UBE2N: variants seen among roughly 807,000 people sequenced by gnomAD.
UBE2N encodes ubiquitin conjugating enzyme E2 N.
For missense variants in UBE2N, 60 were observed against 192.1 expected (o/e 0.31, Z 4.07); for synonymous variants, 70 against 69.2 (o/e 1.01, Z -0.06).
At chr12:93,424,570 A>C (rs1395208483) in intron 1 of UBE2N, among the ~76,000 whole-genome samples, 1 of 152,228 alleles carries the variant, frequency 6.6e-6, no homozygotes, top group Non-Finnish European at 1.5e-5. Context: ...GAAAGCATGC[A>C]GATATTGGAG....
intron 1 of UBE2N, among the ~76,000 whole-genome samples, chr12:93,430,863 C>A (rs1441020722): frequency 1.3e-5 from 2 of 150,038 alleles, no homozygotes; most frequent in African/African-American, 2.4e-5. Context: ...CCTGTGATCC[C>A]AGCTACTCGG....
Position 93,407,192 on chromosome 12 carries a change from TC to T in UBE2N, c.*2846del. ...AAGCCACTTAATGTTCAGATTCTTTTCTTCTCTCCCAGGACTTTGCAGATGC... is the reference window on the plus strand; with the variant it reads ...AAGCCACTTAATGTTCAGATTCTTTTTTCTCTCCCAGGACTTTGCAGATGC... On this transcript the variant is annotated 3_prime_UTR_variant, in exon 4 of 4. Coordinates refer to ENST00000318066, the MANE Select transcript of UBE2N (RefSeq NM_003348.4). The T allele has an allele frequency of 6.6e-6, 1 of 152,512 alleles. No individual in the cohort carries two copies. The highest frequency in any genetic ancestry group is 2.1e-4 in the South Asian group (1 of 4,826). 9.4% of individuals were successfully genotyped at this position (152,512 alleles called of 1,614,324 possible).
chr12:93,420,217 T>C (rs187783956), intron 1 of UBE2N, among the ~76,000 whole-genome samples: 4 of 152,290 alleles, frequency 2.6e-5, no homozygotes, highest in African/African-American at 9.6e-5. Flanking sequence ...TATGGGTTGA[T>C]AGGTAACAAA....
intron 1 of UBE2N, among the ~76,000 whole-genome samples, chr12:93,437,795 CA>C (rs1328968079): frequency 6.6e-6 from 1 of 152,128 alleles, no homozygotes; most frequent in African/African-American, 2.4e-5. Context: ...TCTCAACAAA[CA>C]AACAAACAAA....
chr12:93,414,220 C>T (rs865944418), intron 1 of UBE2N, among the ~76,000 whole-genome samples: 5 of 151,534 alleles, frequency 3.3e-5, no homozygotes, highest in South Asian at 4.2e-4. Context: ...GAGGCCGAGG[C>T]GGGTGGATCG....
intron 1 of UBE2N, among the ~76,000 whole-genome samples, chr12:93,430,360 T>TA (rs1878724655): frequency 6.6e-6 from 1 of 152,172 alleles, no homozygotes; most frequent in Non-Finnish European, 1.5e-5. Flanking sequence ...ATGGTGCATT[T>TA]CTCAGAAAGT....
In UBE2N at chr12:93,435,429, C is replaced by T. The variant is rs138527292; in HGVS notation, c.30+6426G>A. On this transcript the variant is annotated intron_variant, in intron 1 of 3. Transcript: ENST00000318066. ...CAGAGGTTGCAGTTAGCCGAGATCA[C>T]GCCATTGCACTCCAGCCTGGGCAAC... 9.3e-3 allele frequency among the ~76,000 whole-genome samples: 1,413 copies of T among 151,932 alleles called. 22 individuals are homozygous for T. The highest frequency in any genetic ancestry group is 0.031 in the African/African-American group (1,290 of 41,432).
rs937016882 is a variant in UBE2N, at chr12:93,409,553, T to A, written c.*486A>T. Reference sequence around the variant, plus strand: ...AGCTTGTCCATCTACAGCGTCTAAATAAAGTTAGACTTGGCTAGAGCATAT... The same window carrying A: ...AGCTTGTCCATCTACAGCGTCTAAAAAAAGTTAGACTTGGCTAGAGCATAT... On this transcript the variant is annotated 3_prime_UTR_variant, in exon 4 of 4. Coordinates refer to ENST00000318066, the MANE Select transcript of UBE2N (RefSeq NM_003348.4). The A allele has an allele frequency of 6.0e-6, 1 of 167,408 alleles. No homozygotes were observed. Among genetic ancestry groups the A allele is most frequent in the South Asian group, 2.1e-4 (1 of 4,862 alleles). 10.4% of individuals were successfully genotyped at this position (167,408 alleles called of 1,614,324 possible).
intron 1 of UBE2N, among the ~76,000 whole-genome samples, chr12:93,414,682 T>G (rs1165323619): frequency 2.0e-5 from 3 of 152,144 alleles, no homozygotes; most frequent in African/African-American, 7.2e-5. Flanking sequence ...GATATCCATA[T>G]GGCTTGCTCC....
At chr12:93,413,685 G>T (rs975675224) in intron 1 of UBE2N, among the ~76,000 whole-genome samples, 5 of 151,810 alleles carry the variant, frequency 3.3e-5, no homozygotes, top group African/African-American at 4.8e-5. Flanking sequence ...TGGCAAATTG[G>T]TTTTTTTTAT....
intron 1 of UBE2N, among the ~76,000 whole-genome samples, chr12:93,423,471 CAAT>C (rs1878480729): frequency 6.6e-6 from 1 of 152,140 alleles, no homozygotes; most frequent in Non-Finnish European, 1.5e-5. Context: ...ACAAGTCAAC[CAAT>C]CTCTTTATCA....
intron 1 of UBE2N, among the ~76,000 whole-genome samples, chr12:93,436,128 G>T (rs1878927558): frequency 6.6e-6 from 1 of 151,952 alleles, no homozygotes; most frequent in African/African-American, 2.4e-5. Context: ...TTGAGACAGG[G>T]TTTCACTCTG....
intron 1 of UBE2N, among the ~76,000 whole-genome samples, chr12:93,421,019 C>T (rs1878390574): frequency 6.6e-6 from 1 of 152,022 alleles, no homozygotes; most frequent in South Asian, 2.1e-4. Context: ...CAAACTATGC[C>T]AAATACTGAC....
At chr12:93,416,772 T>C (rs1257302577) in intron 1 of UBE2N, among the ~76,000 whole-genome samples, 1 of 145,336 alleles carries the variant, frequency 6.9e-6, no homozygotes, top group Admixed American at 7.3e-5. Context: ...CCCTGCACTT[T>C]GGGAGGCTGA....
intron 1 of UBE2N, among the ~76,000 whole-genome samples, chr12:93,422,734 C>T (rs1188341374): frequency 6.6e-6 from 1 of 151,912 alleles, no homozygotes; most frequent in Admixed American, 6.6e-5. Flanking sequence ...TTTTTTCTTT[C>T]ATAAAATTTT....
At chr12:93,438,754 G>A (rs1879011092) in intron 1 of UBE2N, among the ~76,000 whole-genome samples, 1 of 152,076 alleles carries the variant, frequency 6.6e-6, no homozygotes, top group Non-Finnish European at 1.5e-5. Context: ...AGACAGGGGG[G>A]AAAGTGTCTG....
intron 1 of UBE2N, chr12:93,429,269 CAAA>C (rs748950148): frequency 4.4e-4 from 130 of 296,930 alleles, no homozygotes; most frequent in Admixed American, 9.8e-4. Context: ...GACTCTGTCT[CAAA>C]AAAAAAAAAA....
Position 93,406,503 on chromosome 12 carries a change from A to T in UBE2N, c.*3536T>A, listed in dbSNP as rs1043312357. On this transcript the variant is annotated 3_prime_UTR_variant, in exon 4 of 4. Transcript: ENST00000318066. Reference sequence around the variant, plus strand: ...TCTTATTTTTAAGTGCTTCTTTGAAATTGTTTTACAAGTACATTCTTGGTC... The same window carrying T: ...TCTTATTTTTAAGTGCTTCTTTGAATTTGTTTTACAAGTACATTCTTGGTC... 26 of 152,082 alleles carry T rather than the reference A, an allele frequency of 1.7e-4. No homozygotes were observed. Among genetic ancestry groups the T allele is most frequent in the Admixed American group, 7.2e-4 (11 of 15,262 alleles). The allele number at this position is 152,082 out of a possible 1,614,324, so 9.4% of individuals were successfully genotyped here. A position where few individuals can be genotyped will look rare whatever the true frequency, so the allele number is the denominator to read the frequency against.
At chr12:93,414,436 G>A (rs1437570456) in intron 1 of UBE2N, among the ~76,000 whole-genome samples, 3 of 126,694 alleles carry the variant, frequency 2.4e-5, no homozygotes, top group Admixed American at 9.8e-5. Context: ...GCAAAAGAGC[G>A]AAGCTCCGTC....
Sources: allele counts gnomAD v4.1 joint callset (sites outside exome capture counted in the v4.1 genomes callset), GRCh38; gene constraint gnomAD v4.1.1; transcripts MANE v1.5; gene names NCBI Gene and HGNC (gene_info 2026-07-23, HGNC 2026-07-21).